Variants in OPCML observed in about 807,000 individuals in gnomAD.
OPCML encodes opioid binding protein/cell adhesion molecule like.
Under a neutral mutation model 37.8 loss-of-function variants are expected in OPCML, and 13 were observed. The ratio of observed to expected loss-of-function variants is 0.34; its 90% CI spans 0.22 to 0.55. OPCML has a LOEUF of 0.55. Among genes scored for constraint, OPCML ranks in the 20% least tolerant of loss-of-function variants. OPCML has a pLI of 0.91. For missense variants in OPCML, 341 were observed against 435.6 expected (o/e 0.78, Z 1.93); for synonymous variants, 176 against 168.8 (o/e 1.04, Z -0.33).
intron 2 of OPCML, among the ~76,000 whole-genome samples, chr11:132,672,982 A>G (rs1395447061): frequency 6.6e-6 from 1 of 152,178 alleles, no homozygotes; most frequent in Non-Finnish European, 1.5e-5. Flanking sequence ...CTAAGAAATA[A>G]GAGACTTTGC....
chr11:132,466,402 T>C (rs1312488660), intron 4 of OPCML, among the ~76,000 whole-genome samples: 1 of 148,774 alleles, frequency 6.7e-6, no homozygotes, highest in Non-Finnish European at 1.5e-5. Context: ...GAGAATGGCG[T>C]GAACCCGCGA....
intron 1 of OPCML, among the ~76,000 whole-genome samples, chr11:133,134,886 G>T (rs958624864): frequency 3.3e-5 from 5 of 152,146 alleles, no homozygotes; most frequent in African/African-American, 1.2e-4. Context: ...CATAATTACA[G>T]CCACTTTCTT....
chr11:133,080,388 C>T (rs1948693055), intron 1 of OPCML, among the ~76,000 whole-genome samples: 1 of 151,978 alleles, frequency 6.6e-6, no homozygotes, highest in South Asian at 2.1e-4. Flanking sequence ...GTAGGAAGGC[C>T]CTAAGAGGGA....
intron 1 of OPCML, chr11:133,004,591 T>C (rs1195922154): frequency 3.0e-6 from 3 of 985,326 alleles, no homozygotes; most frequent in African/African-American, 3.5e-5. Flanking sequence ...TGCTGCTCCA[T>C]GCGAAGGGTC....
intron 2 of OPCML, among the ~76,000 whole-genome samples, chr11:132,789,062 C>A (rs1382359669): frequency 6.6e-6 from 1 of 152,198 alleles, no homozygotes; most frequent in African/African-American, 2.4e-5. Context: ...GACAAACATT[C>A]ATGTCCTTCA....
At chr11:133,104,421 T>C (rs1012167943) in intron 1 of OPCML, among the ~76,000 whole-genome samples, 21 of 152,276 alleles carry the variant, frequency 1.4e-4, no homozygotes, top group Admixed American at 1.0e-3. Flanking sequence ...CCTAAATTCA[T>C]AGGGACCTGG....
intron 1 of OPCML, among the ~76,000 whole-genome samples, chr11:133,275,792 C>A (rs910359015): frequency 2.6e-5 from 4 of 152,210 alleles, no homozygotes. Flanking sequence ...CAGGAGTGGA[C>A]AGAGGGCATT....
At chr11:133,341,051 G>A (rs1943858314) in intron 1 of OPCML, among the ~76,000 whole-genome samples, 1 of 152,110 alleles carries the variant, frequency 6.6e-6, no homozygotes. Flanking sequence ...GACACTAGGT[G>A]TGTATTTATT....
intron 2 of OPCML, among the ~76,000 whole-genome samples, chr11:132,870,201 ACAGT>A (rs1259292921): frequency 6.6e-6 from 1 of 152,214 alleles, no homozygotes; most frequent in Non-Finnish European, 1.5e-5. Flanking sequence ...ATGAGTTCAG[ACAGT>A]CAGCTTGATT....
At chr11:132,609,185 G>T (rs1938486753) in intron 3 of OPCML, among the ~76,000 whole-genome samples, 1 of 152,040 alleles carries the variant, frequency 6.6e-6, no homozygotes. Flanking sequence ...AAGGGCAGGG[G>T]GTCTCAAAAA....
chr11:132,716,260 G>C (rs1944472042), intron 2 of OPCML, among the ~76,000 whole-genome samples: 1 of 152,182 alleles, frequency 6.6e-6, no homozygotes, highest in East Asian at 1.9e-4. Context: ...GAATCCCAGA[G>C]GCTCAGAAGC....
intron 1 of OPCML, among the ~76,000 whole-genome samples, chr11:133,490,657 A>T (rs781682546): frequency 6.6e-6 from 1 of 152,080 alleles, no homozygotes; most frequent in African/African-American, 2.4e-5. Context: ...TGGTCTTCCA[A>T]TGACTTTCCA....
At chr11:132,897,680 T>C (rs1480545298) in intron 2 of OPCML, among the ~76,000 whole-genome samples, 2 of 152,164 alleles carry the variant, frequency 1.3e-5, no homozygotes, top group Admixed American at 6.5e-5. Context: ...GATCCTTTAA[T>C]GACAGTGGTA....
chr11:133,213,765 GT>G (rs1565508354), intron 1 of OPCML, among the ~76,000 whole-genome samples: 1 of 152,132 alleles, frequency 6.6e-6, no homozygotes, highest in Admixed American at 6.5e-5. Context: ...GTTTAGACAT[GT>G]TTAATGTTTA....
At chr11:133,429,231 T>C (rs1055734055) in intron 1 of OPCML, among the ~76,000 whole-genome samples, 16 of 152,200 alleles carry the variant, frequency 1.1e-4, no homozygotes, top group African/African-American at 3.9e-4. Context: ...GAACAGCAAC[T>C]GCAAAGCCAC....
At chr11:133,001,955 C>T (rs1215879866) in intron 1 of OPCML, among the ~76,000 whole-genome samples, 6 of 152,140 alleles carry the variant, frequency 3.9e-5, no homozygotes, top group Non-Finnish European at 5.9e-5. Context: ...TAATAACTGT[C>T]ATCTTTTAAG....
intron 1 of OPCML, among the ~76,000 whole-genome samples, chr11:133,152,429 G>A (rs181518950): frequency 6.6e-6 from 1 of 152,290 alleles, no homozygotes; most frequent in Non-Finnish European, 1.5e-5. Context: ...ATCAAAACAT[G>A]CCATTAGTTA....
chr11:133,041,449 C>T (rs1052979581), intron 1 of OPCML, among the ~76,000 whole-genome samples: 15 of 152,172 alleles, frequency 9.9e-5, no homozygotes, highest in African/African-American at 3.4e-4. Flanking sequence ...CCTCTCCCAC[C>T]CTCTGCAGTC....
intron 1 of OPCML, among the ~76,000 whole-genome samples, chr11:133,235,639 T>A (rs2136397342): frequency 6.6e-6 from 1 of 152,274 alleles, no homozygotes. Context: ...GTAAAGCTGT[T>A]AGGAAACTGA....
Sources: allele counts gnomAD v4.1 joint callset (sites outside exome capture counted in the v4.1 genomes callset), GRCh38; gene constraint gnomAD v4.1.1; transcripts MANE v1.5; gene names NCBI Gene and HGNC (gene_info 2026-07-23, HGNC 2026-07-21).